FRY: variants seen among roughly 807,000 people sequenced by gnomAD.
FRY encodes FRY microtubule binding protein, also known as protein furry homolog.
In FRY, 128 loss-of-function variants were observed where a neutral mutation model predicts 348.4. The observed-to-expected ratio is 0.37, with a 90% confidence interval of 0.32 to 0.43. The LOEUF (loss-of-function observed/expected upper bound fraction) is 0.43, where lower values mean the gene tolerates loss of function less well. Ranked by LOEUF, FRY falls within the 20% of genes least tolerant of loss-of-function variation. The probability of loss-of-function intolerance (pLI) is 1.00; values close to 1 mark genes in which losing one functional copy is unlikely to be tolerated. For synonymous variants in FRY, 1,370 were observed against 1,374.7 expected, an observed-to-expected ratio of 1.00 and a Z score of 0.08; for missense variants, 2,736 against 3,695.2, an observed-to-expected ratio of 0.74 and a Z score of 6.73.
chr13:32,146,397 C>T (rs1408195100), intron 11 of FRY, among the ~76,000 whole-genome samples: 1 of 152,134 alleles, frequency 6.6e-6, no homozygotes, highest in East Asian at 1.9e-4. Flanking sequence ...AGCGCAGTGG[C>T]GCCATCTCAG....
At chr13:32,074,177 G>A (rs1187952425) in intron 1 of FRY, among the ~76,000 whole-genome samples, 1 of 152,152 alleles carries the variant, frequency 6.6e-6, no homozygotes, top group Non-Finnish European at 1.5e-5. Flanking sequence ...AATGGGCCCT[G>A]CTTAATATAA....
At chr13:32,086,322 G>C (rs530999442) in intron 2 of FRY, among the ~76,000 whole-genome samples, 1 of 152,280 alleles carries the variant, frequency 6.6e-6, no homozygotes, top group South Asian at 2.1e-4. Flanking sequence ...ACTAACCTGT[G>C]CTTCTGGCAA....
At position 32,186,402 on chromosome 13, in the gene FRY, T is replaced by C. The variant is rs770217855; in HGVS notation, c.3462T>C (p.Tyr1154=). 29 of 1,606,354 alleles carry C rather than the reference T, an allele frequency of 1.8e-5. No homozygotes were observed. Among genetic ancestry groups the C allele is most frequent in the African/African-American group, 8.0e-5 (6 of 74,794 alleles). The part of the protein sequence containing the change: ...YSDRNHQITR[Y]QYCALKAMSA... ...ACAGAAATCATCAGATTACAAGATA[T>C]CAGTATTGTGCATTAAAAGTAGGTG... Residue 1154 remains tyrosine (Y), a synonymous_variant, in exon 27 of 61, where the codon TAT becomes TAC. Coordinates refer to ENST00000542859, the MANE Select transcript of FRY (RefSeq NM_023037.3).
chr13:32,197,052 C>T (rs1883717835), intron 29 of FRY, among the ~76,000 whole-genome samples: 1 of 152,164 alleles, frequency 6.6e-6, no homozygotes, highest in Non-Finnish European at 1.5e-5. Flanking sequence ...CACCAGAATT[C>T]TCCTCACATT....
chr13:32,208,399 A>G (rs1389957579), intron 31 of FRY, among the ~76,000 whole-genome samples: 3 of 152,268 alleles, frequency 2.0e-5, no homozygotes, highest in Admixed American at 1.3e-4. Context: ...TCTTTTAGTC[A>G]TTACAGTAGC....
At chr13:32,111,477 C>T (rs868121064) in intron 3 of FRY, among the ~76,000 whole-genome samples, 24 of 152,030 alleles carry the variant, frequency 1.6e-4, no homozygotes, top group African/African-American at 5.1e-4. Context: ...GTCTGGGCAA[C>T]AGAGTGAGAC....
intron 7 of FRY, among the ~76,000 whole-genome samples, chr13:32,127,735 T>C (rs889957680): frequency 3.3e-5 from 5 of 151,922 alleles, no homozygotes; most frequent in South Asian, 2.1e-4. Flanking sequence ...GCCGAGATCG[T>C]GCCACTACAC....
At chr13:32,137,926 G>T (rs1185571930) in intron 11 of FRY, among the ~76,000 whole-genome samples, 1 of 152,062 alleles carries the variant, frequency 6.6e-6, no homozygotes, top group African/African-American at 2.4e-5. Flanking sequence ...CTGCATTAGA[G>T]CTGTTTTAAG....
chr13:32,068,859 G>T (rs1017080755), intron 1 of FRY, among the ~76,000 whole-genome samples: 2 of 150,322 alleles, frequency 1.3e-5, no homozygotes, highest in East Asian at 3.9e-4. Flanking sequence ...TCTAAGGTAT[G>T]TGTGTCATTA....
intron 51 of FRY, among the ~76,000 whole-genome samples, chr13:32,255,922 G>GA (rs1445972204): frequency 2.6e-5 from 4 of 152,112 alleles, no homozygotes; most frequent in Non-Finnish European, 5.9e-5. Context: ...ACAAGGGAGG[G>GA]AAAAAACGGA....
chr13:32,059,142 G>C (rs1257030202), intron 1 of FRY, among the ~76,000 whole-genome samples: 1 of 151,388 alleles, frequency 6.6e-6, no homozygotes, highest in Non-Finnish European at 1.5e-5. Flanking sequence ...ACTTCCCTTA[G>C]TATCTATAAA....
intron 1 of FRY, 83 bp downstream of exon 1, chr13:32,031,948 CA>C: frequency 1.3e-6 from 1 of 797,002 alleles, no homozygotes; most frequent in Admixed American, 1.9e-5. Flanking sequence ...CAACTGGACA[CA>C]TATGTTTGTG....
At chr13:32,264,268 T>C (rs1259840344) in intron 53 of FRY, among the ~76,000 whole-genome samples, 8 of 152,186 alleles carry the variant, frequency 5.3e-5, no homozygotes, top group African/African-American at 1.7e-4. Context: ...AAAGCAAATA[T>C]GGATAAACCT....
At chr13:32,092,474 G>C (rs1287152986) in intron 2 of FRY, among the ~76,000 whole-genome samples, 1 of 152,170 alleles carries the variant, frequency 6.6e-6, no homozygotes, top group Non-Finnish European at 1.5e-5. Flanking sequence ...AAGGTAGAGG[G>C]CGATGGCTTT....
chr13:32,082,235 A>G (rs1158209169), intron 2 of FRY, among the ~76,000 whole-genome samples: 1 of 147,504 alleles, frequency 6.8e-6, no homozygotes, highest in East Asian at 1.9e-4. Flanking sequence ...AAAAAAAAAA[A>G]AAACAGGAAA....
Position 32,124,853 on chromosome 13 carries a change from A to C in FRY, c.694A>C (p.Ile232Leu). 1 of 1,612,838 alleles carries C rather than the reference A, an allele frequency of 6.2e-7. No homozygotes were observed. Among genetic ancestry groups the C allele is most frequent in the Non-Finnish European group, 8.5e-7 (1 of 1,178,758 alleles). The change falls in exon 7 of 61, where the codon ATT becomes CTT. Residue 232 changes from isoleucine to leucine, a missense_variant. By Grantham distance (5) the Ile-to-Leu change is conservative. This residue lies in a region of FRY where 309 missense variants were observed against 418.1 expected (regional missense o/e 0.74). Transcript: ENST00000542859. ...TGTGGCAGACCTGTATGCAGAAGTCATTGGAGTGTTGGCACAAGCCAAGTA... is the reference window on the plus strand; with the variant it reads ...TGTGGCAGACCTGTATGCAGAAGTCCTTGGAGTGTTGGCACAAGCCAAGTA... ...HIVADLYAEV[I>L]GVLAQAKFPA...
chr13:32,070,558 G>GT (rs56360034), intron 1 of FRY, among the ~76,000 whole-genome samples: 2,753 of 144,488 alleles, frequency 0.019, 25 homozygotes, highest in Non-Finnish European at 0.031. Context: ...TTTTTGATGG[G>GT]TTTTTTTTTT....
Position 32,294,486 on chromosome 13 carries a change from C to A in FRY, c.8699C>A (p.Ser2900Tyr), listed in dbSNP as rs1889532707. 2 of 1,613,766 alleles carry A rather than the reference C, an allele frequency of 1.2e-6. No individual in the cohort carries two copies. The highest frequency in any genetic ancestry group is 1.7e-5 in the Admixed American group (1 of 60,008). The change falls in exon 60 of 61, where the codon TCC becomes TAC. Residue 2900 changes from serine to tyrosine, a missense_variant. Around this residue, in one of 9 missense-constraint regions of FRY, gnomAD observed 157 missense variants for 215.2 expected, o/e 0.73. Transcript: ENST00000542859. ...DGAWSEPTFT[S>Y]TEAAIQSMLE... ...GCGTGGTCCGAGCCCACCTTCACGT[C>A]CACTGAAGCAGCCATCCAGTCCATG... is the stretch of plus-strand genomic sequence containing the variant.
At chr13:32,169,674 A>C (rs1472596279) in intron 17 of FRY, among the ~76,000 whole-genome samples, 1 of 151,526 alleles carries the variant, frequency 6.6e-6, no homozygotes, top group African/African-American at 2.4e-5. Flanking sequence ...CTCACACCTC[A>C]CTCTTGCAGG....
Sources: gnomAD v4.1 joint callset for allele counts (sites outside exome capture counted in the v4.1 genomes callset) on GRCh38, gnomAD v4.1.1 for gene constraint, gnomAD v4.1.1 regional missense constraint, MANE v1.5 for transcripts, NCBI Gene and HGNC (gene_info 2026-07-23, HGNC 2026-07-21) for gene names.